The following PDE4B variants were observed in gnomAD, a reference collection of about 807,000 sequenced individuals.
PDE4B encodes 3',5'-cyclic-AMP phosphodiesterase 4B.
A neutral mutation model predicts 82.2 loss-of-function variants in PDE4B; 20 were observed. That is an observed-to-expected ratio of 0.24 (90% CI 0.17 to 0.35). The LOEUF (loss-of-function observed/expected upper bound fraction) is 0.35, where lower values mean the gene tolerates loss of function less well. Ranked by LOEUF, PDE4B falls within the 10% of genes least tolerant of loss-of-function variation. The probability of loss-of-function intolerance (pLI) is 1.00; values close to 1 mark genes in which losing one functional copy is unlikely to be tolerated. For synonymous variants in PDE4B, 320 were observed against 318.9 expected, an observed-to-expected ratio of 1.00 and a Z score of -0.04; for missense variants, 655 against 907.2, an observed-to-expected ratio of 0.72 and a Z score of 3.57.
At chr1:66,105,033 G>C (rs527578503) in intron 3 of PDE4B, among the ~76,000 whole-genome samples, 5 of 152,164 alleles carry the variant, frequency 3.3e-5, no homozygotes, top group African/African-American at 4.8e-5. Flanking sequence ...GTTCTGAATG[G>C]TAATGCCTAG....
chr1:66,356,329 C>T (rs1013082278), intron 9 of PDE4B, among the ~76,000 whole-genome samples: 1 of 152,124 alleles, frequency 6.6e-6, no homozygotes, highest in Non-Finnish European at 1.5e-5. Flanking sequence ...TATTGTCATG[C>T]GTGTTATTTG....
chr1:65,836,633 CT>C (rs1461956129), intron 1 of PDE4B, among the ~76,000 whole-genome samples: 2 of 152,102 alleles, frequency 1.3e-5, no homozygotes, highest in Non-Finnish European at 2.9e-5. Flanking sequence ...TTTCCAACTC[CT>C]CTACATTTTT....
chr1:65,919,599 T>C (rs978027092), intron 3 of PDE4B, among the ~76,000 whole-genome samples: 1 of 152,246 alleles, frequency 6.6e-6, no homozygotes, highest in African/African-American at 2.4e-5. Flanking sequence ...ATATTTTCTC[T>C]GATATGATTT....
intron 1 of PDE4B, among the ~76,000 whole-genome samples, chr1:65,862,771 A>AAAC (rs1349946983): frequency 2.0e-5 from 3 of 152,130 alleles, no homozygotes; most frequent in African/African-American, 7.2e-5. Context: ...TTCCTGGTTT[A>AAAC]ATCTTGAGAG....
chr1:65,797,974 A>G lies in PDE4B; in HGVS notation c.-71+4726A>G, dbSNP rs557201213. Among the ~76,000 whole-genome samples the G allele has an allele frequency of 2.0e-3, 302 of 152,170 alleles. 3 individuals are homozygous for G. Among genetic ancestry groups the G allele is most frequent in the African/African-American group, 6.7e-3 (280 of 41,500 alleles). On this transcript the variant is annotated intron_variant, in intron 1 of 16. Coordinates refer to ENST00000341517, the MANE Select transcript of PDE4B (RefSeq NM_002600.4). ...CAGTCCTCCTTGGGATGCCCCTTGC[A>G]TTATTTTTATTTTTTAATTTTAAAA...
rs1243953906 is a variant in PDE4B, at chr1:66,370,175, A to AG, written c.1845+1206_1845+1207insG. ...CAAAAAAAAAAAAAAAAAAAAAAAA[A>AG]AAAGAAAGAAATCTGTGAAAGTGCT... On this transcript the variant is annotated intron_variant, in intron 16 of 16. Coordinates refer to ENST00000341517, the MANE Select transcript of PDE4B (RefSeq NM_002600.4). Among the ~76,000 whole-genome samples the AG allele has an allele frequency of 3.9e-3, 581 of 150,028 alleles. 4 individuals are homozygous for AG. Among genetic ancestry groups the AG allele is most frequent in the Non-Finnish European group, 5.8e-3 (391 of 67,524 alleles).
At chr1:66,230,557 G>A (rs1002015529) in intron 3 of PDE4B, among the ~76,000 whole-genome samples, 1 of 152,168 alleles carries the variant, frequency 6.6e-6, no homozygotes, top group African/African-American at 2.4e-5. Context: ...TGAAAGTTTT[G>A]TGACATTTTC....
At chr1:66,295,067 T>C (rs532552639) in intron 7 of PDE4B, among the ~76,000 whole-genome samples, 2 of 152,310 alleles carry the variant, frequency 1.3e-5, no homozygotes, top group South Asian at 2.1e-4. Flanking sequence ...GCCCTGATCA[T>C]TGGAGTTTAT....
chr1:66,136,100 C>G (rs140193418), intron 3 of PDE4B, among the ~76,000 whole-genome samples: 53 of 152,194 alleles, frequency 3.5e-4, no homozygotes, highest in African/African-American at 1.2e-3. Context: ...CAGTGTGTAT[C>G]CTTAGGCTGG....
At chr1:65,900,233 T>C (rs1161450651) in intron 1 of PDE4B, among the ~76,000 whole-genome samples, 1 of 152,048 alleles carries the variant, frequency 6.6e-6, no homozygotes, top group Admixed American at 6.6e-5. Flanking sequence ...TACCATTGCT[T>C]ATTTTTGTTG....
chr1:66,202,506 A>G (rs1649079401), intron 3 of PDE4B, among the ~76,000 whole-genome samples: 1 of 152,214 alleles, frequency 6.6e-6, no homozygotes, highest in South Asian at 2.1e-4. Context: ...GTCACGCAGG[A>G]CTTGCTTTAT....
chr1:66,351,136 G>T (rs553720011), intron 8 of PDE4B, among the ~76,000 whole-genome samples: 1 of 152,188 alleles, frequency 6.6e-6, no homozygotes, highest in African/African-American at 2.4e-5. Flanking sequence ...GGCATCGGAG[G>T]AATTTTTTAT....
chr1:66,057,138 T>G (rs75178005), intron 3 of PDE4B, among the ~76,000 whole-genome samples: 4,893 of 152,286 alleles, frequency 0.032, 124 homozygotes, highest in Non-Finnish European at 0.048. Flanking sequence ...AGTCCCCAGT[T>G]TGGTGCACCA....
At chr1:66,238,352 T>C (rs532246255) in intron 3 of PDE4B, among the ~76,000 whole-genome samples, 1 of 151,878 alleles carries the variant, frequency 6.6e-6, no homozygotes, top group East Asian at 1.9e-4. Context: ...GGATGGGGGG[T>C]GTGGCAAGGG....
chr1:65,884,469 G>A (rs1342097935), intron 1 of PDE4B, among the ~76,000 whole-genome samples: 1 of 152,046 alleles, frequency 6.6e-6, no homozygotes, highest in African/African-American at 2.4e-5. Context: ...ATACTACAAG[G>A]CCATGGTAAC....
intron 1 of PDE4B, among the ~76,000 whole-genome samples, chr1:65,846,453 TC>T (rs1571008310): frequency 6.6e-6 from 1 of 152,072 alleles, no homozygotes. Context: ...AAGAAATAGG[TC>T]AGTTTGGTTG....
intron 1 of PDE4B, among the ~76,000 whole-genome samples, chr1:65,869,662 C>A (rs1015765455): frequency 6.6e-6 from 1 of 152,082 alleles, no homozygotes; most frequent in Non-Finnish European, 1.5e-5. Context: ...GGATGGTTTG[C>A]GTACATTTGT....
Position 66,372,511 on chromosome 1 carries a change from C to T in PDE4B, c.2044C>T (p.Leu682=), listed in dbSNP as rs34469235. ...QGLMEKFQFE[L]TLDEEDSEGP... is the part of the protein sequence containing the mutation. Reference sequence around the variant, plus strand: ...TCTGATGGAGAAGTTTCAGTTTGAACTGACTCTCGATGAGGAAGATTCTGA... The same window carrying T: ...TCTGATGGAGAAGTTTCAGTTTGAATTGACTCTCGATGAGGAAGATTCTGA... Residue 682 remains leucine, a synonymous_variant, in exon 17 of 17, where the codon CTG becomes TTG. Coordinates refer to ENST00000341517, the MANE Select transcript of PDE4B (RefSeq NM_002600.4). The T allele has an allele frequency of 1.3e-4, 206 of 1,613,992 alleles. No homozygotes were observed. The highest frequency in any genetic ancestry group is 1.7e-4 in the Non-Finnish European group (196 of 1,180,002).
chr1:65,841,567 G>C (rs969816050), intron 1 of PDE4B, among the ~76,000 whole-genome samples: 1 of 151,996 alleles, frequency 6.6e-6, no homozygotes, highest in Non-Finnish European at 1.5e-5. Context: ...ACCAGAAGTC[G>C]CAGTCATCTA....
Sources: gnomAD v4.1 joint callset for allele counts (sites outside exome capture counted in the v4.1 genomes callset) on GRCh38, gnomAD v4.1.1 for gene constraint, MANE v1.5 for transcripts, NCBI Gene and HGNC (gene_info 2026-07-23, HGNC 2026-07-21) for gene names.